CYP3A5: variants seen among roughly 807,000 people sequenced by gnomAD.
CYP3A5 encodes cytochrome P450 family 3 subfamily A member 5, also known as cytochrome P450 3A5.
Under a neutral mutation model 55.9 loss-of-function variants are expected in CYP3A5, and 51 were observed. That is an observed-to-expected ratio of 0.91 (90% CI 0.73 to 1.15). The LOEUF is 1.15. CYP3A5 is among the 50% of genes most tolerant of loss of function. CYP3A5 has a pLI of 0.00. For missense variants in CYP3A5, 533 were observed against 596.6 expected, an observed-to-expected ratio of 0.89 and a Z score of 1.11; for synonymous variants, 196 against 213.9, an observed-to-expected ratio of 0.92 and a Z score of 0.73.
chr7:99,669,315 G>A (rs1811350948), intron 4 of CYP3A5, among the ~76,000 whole-genome samples: 1 of 152,152 alleles, frequency 6.6e-6, no homozygotes, highest in Non-Finnish European at 1.5e-5. Flanking sequence ...TGTATGTGTT[G>A]TAAGGACAAA....
chr7:99,668,785 G>T (rs1272120646), intron 4 of CYP3A5, among the ~76,000 whole-genome samples: 5 of 152,214 alleles, frequency 3.3e-5, no homozygotes, highest in Non-Finnish European at 5.9e-5. Context: ...GTCGCCATTT[G>T]TACGCATGTG....
intron 4 of CYP3A5, 77 bp from the exon 5 acceptor site, chr7:99,667,142 C>T: frequency 1.5e-6 from 2 of 1,330,294 alleles, no homozygotes; most frequent in South Asian, 2.6e-5. Flanking sequence ...ATTGAAGAGG[C>T]ATCCTTATTT....
chr7:99,654,811 A>C (rs918503151), intron 10 of CYP3A5, among the ~76,000 whole-genome samples: 3 of 152,020 alleles, frequency 2.0e-5, no homozygotes, highest in African/African-American at 7.3e-5. Context: ...TGTGGTTTTG[A>C]TTTGCATTTC....
intron 12 of CYP3A5, 130 bp downstream of exon 12, chr7:99,649,943 A>G (rs933284763): frequency 7.6e-6 from 9 of 1,187,008 alleles, no homozygotes; most frequent in East Asian, 2.6e-5. Flanking sequence ...TTAATGATCA[A>G]AGATGGATCC....
At chr7:99,676,982 A>G (rs1438944290) in intron 1 of CYP3A5, among the ~76,000 whole-genome samples, 1 of 152,138 alleles carries the variant, frequency 6.6e-6, no homozygotes, top group Non-Finnish European at 1.5e-5. Context: ...ACCAGCAACT[A>G]ATACTTCTCA....
rs377637029 is a variant in CYP3A5 at position 99,663,256 on chromosome 7, T to C, written c.799-374A>G. 22 of 1,036,858 alleles carry C rather than the reference T, an allele frequency of 2.1e-5. No homozygotes were observed. The African/African-American group carries it at 3.3e-4, about 15-fold the overall frequency. The allele number at this position is 1,036,858 out of a possible 1,614,324, so 64.2% of individuals were successfully genotyped here. On this transcript the variant is annotated intron_variant, in intron 8 of 12. Transcript: ENST00000222982. ...ATTCTTCTACCTTTTTCTTCAGCAG[T>C]GTCCGTATAGATTAATCTCCTGACA... is the stretch of plus-strand genomic sequence containing the variant.
At chr7:99,658,148 C>T (rs1001191704) in intron 10 of CYP3A5, among the ~76,000 whole-genome samples, 5 of 152,050 alleles carry the variant, frequency 3.3e-5, no homozygotes, top group African/African-American at 7.2e-5. Flanking sequence ...TTATTTTGCT[C>T]GTTAGTTGAT....
At chr7:99,666,103 T>C (rs1279654014) in intron 6 of CYP3A5, among the ~76,000 whole-genome samples, 3 of 152,168 alleles carry the variant, frequency 2.0e-5, no homozygotes, top group African/African-American at 7.2e-5. Context: ...CTAGCACCCT[T>C]TCTTTTTTGA....
intron 7 of CYP3A5, among the ~76,000 whole-genome samples, chr7:99,664,328 G>C (rs1302429083): frequency 6.6e-6 from 1 of 152,180 alleles, no homozygotes; most frequent in Non-Finnish European, 1.5e-5. Flanking sequence ...TGAGTCTTTG[G>C]AGTGACCAAA....
Position 99,663,974 on chromosome 7 carries a change from T to C in CYP3A5, c.792A>G (p.Lys264=), listed in dbSNP as rs753565536. The C allele has an allele frequency of 1.9e-6, 3 of 1,581,650 alleles. No homozygotes were observed. In the Admixed American group the frequency reaches 6.2e-5, roughly 33 times the overall value. ...AACCACCATCAGATTTTACCTTTTG[T>C]TTGTCGTTGAGGCGACTTTTCTTCA... ...NRMKKSRLND[K]QKHRLDFLQL... Residue 264 remains lysine, a synonymous_variant, in exon 8 of 13, where the codon AAA becomes AAG. Coordinates refer to ENST00000222982, the MANE Select transcript of CYP3A5 (RefSeq NM_000777.5).
chr7:99,679,797 CAA>C (rs773084965), intron 1 of CYP3A5, 27 bp downstream of exon 1: 4 of 1,612,182 alleles, frequency 2.5e-6, no homozygotes, highest in Non-Finnish European at 3.4e-6. Context: ...TCCAAGGAAA[CAA>C]AGAGAGGAGT....
chr7:99,664,177 T>G, intron 7 of CYP3A5, 82 bp from the exon 8 acceptor site: 1 of 1,126,010 alleles, frequency 8.9e-7, no homozygotes, highest in Non-Finnish European at 1.3e-6. Flanking sequence ...TCTCTACCAG[T>G]AATAAGAATA....
At chr7:99,672,973 C>T (rs990284176) in intron 3 of CYP3A5, 24 of 1,027,658 alleles carry the variant, frequency 2.3e-5, no homozygotes, top group East Asian at 9.9e-5. Context: ...GTAGAGCATT[C>T]GTTAAGCTGG....
intron 12 of CYP3A5, 80 bp from the exon 13 acceptor site, chr7:99,648,480 T>G: frequency 8.6e-7 from 1 of 1,157,214 alleles, no homozygotes; most frequent in Non-Finnish European, 1.2e-6. Flanking sequence ...AGAAAAAATA[T>G]GACAAAAATG....
intron 1 of CYP3A5, chr7:99,677,164 T>C (rs1338658041): frequency 1.0e-6 from 1 of 985,306 alleles, no homozygotes; most frequent in African/African-American, 1.7e-5. Flanking sequence ...TCATGAGTCA[T>C]GTGCAAACTC....
chr7:99,658,755 A>G (rs1810053831), intron 10 of CYP3A5: 3 of 152,252 alleles, frequency 2.0e-5, no homozygotes, highest in Middle Eastern at 3.4e-3. Flanking sequence ...ACATAGTCCC[A>G]TATTTCTTGG....
chr7:99,667,580 A>G (rs527918387), intron 4 of CYP3A5, among the ~76,000 whole-genome samples: 1 of 152,332 alleles, frequency 6.6e-6, no homozygotes, highest in Non-Finnish European at 1.5e-5. Context: ...GAATAATGCA[A>G]TTTCCTTGAA....
chr7:99,668,831 G>A (rs1485216485), intron 4 of CYP3A5, among the ~76,000 whole-genome samples: 3 of 152,324 alleles, frequency 2.0e-5, no homozygotes, highest in Admixed American at 1.3e-4. Flanking sequence ...GACTTCCAGT[G>A]TGTTATCTTC....
intron 4 of CYP3A5, chr7:99,670,788 A>G (rs992804444): frequency 2.0e-5 from 3 of 152,220 alleles, no homozygotes; most frequent in Admixed American, 1.3e-4. Flanking sequence ...ATTAGAACCA[A>G]AATATCTGAT....
Sources: allele counts gnomAD v4.1 joint callset (sites outside exome capture counted in the v4.1 genomes callset), GRCh38; gene constraint gnomAD v4.1.1; transcripts MANE v1.5; gene names NCBI Gene and HGNC (gene_info 2026-07-23, HGNC 2026-07-21).